The following EP300 variants were observed in gnomAD, a reference collection of about 807,000 sequenced individuals.
EP300 encodes the protein histone acetyltransferase p300.
Under a neutral mutation model 264.0 loss-of-function variants are expected in EP300, and 31 were observed. That is an observed-to-expected ratio of 0.12 (90% CI 0.09 to 0.16). The LOEUF is 0.16. Among genes scored for constraint, EP300 ranks in the 10% least tolerant of loss-of-function variants. The pLI, the probability that EP300 is intolerant of heterozygous loss-of-function variation, is 1.00. For missense variants in EP300, 2,766 were observed against 3,052.9 expected (o/e 0.91, Z 2.21); for synonymous variants, 1,340 against 1,045.4 (o/e 1.28, Z -5.44).
intron 1 of EP300, among the ~76,000 whole-genome samples, chr22:41,111,614 C>T (rs997168445): frequency 3.3e-5 from 5 of 152,030 alleles, no homozygotes; most frequent in African/African-American, 1.2e-4. Flanking sequence ...ACTATCTGGG[C>T]TCACCACAAC....
chr22:41,129,758 A>G, intron 4 of EP300, 132 bp from the exon 5 acceptor site: 3 of 709,358 alleles, frequency 4.2e-6, no homozygotes, highest in Non-Finnish European at 7.4e-6. Flanking sequence ...AATAGGAGCT[A>G]CCTTATAGGG....
intron 21 of EP300, 100 bp downstream of exon 21, chr22:41,162,879 TG>T (rs2059115400): frequency 2.0e-6 from 2 of 1,021,662 alleles, no homozygotes; most frequent in Non-Finnish European, 3.1e-6. Flanking sequence ...CCTATATTCT[TG>T]GGCTAAATCT....
At chr22:41,137,904 A>C in intron 8 of EP300, 114 bp downstream of exon 8, 1 of 1,419,428 alleles carries the variant, frequency 7.0e-7, no homozygotes, top group East Asian at 2.4e-5. Flanking sequence ...TGTAGCATGG[A>C]GGTTGATGTT....
chr22:41,176,705 A>G lies in EP300; in HGVS notation c.5062-68A>G, dbSNP rs527388339. 32 of 1,613,226 alleles carry G rather than the reference A, an allele frequency of 2.0e-5. No homozygotes were observed. In the African/African-American group the frequency reaches 2.9e-4, roughly 15 times the overall value. On this transcript the variant is annotated intron_variant, in intron 30 of 30. Transcript: ENST00000263253. ...GAAAGGGGCTTTTCTAGCCCAAACAATATCTAAAATACTTTTGAATGACTT... is the reference window on the plus strand; with the variant it reads ...GAAAGGGGCTTTTCTAGCCCAAACAGTATCTAAAATACTTTTGAATGACTT...
chr22:41,094,706 T>G (rs903130174), intron 1 of EP300, among the ~76,000 whole-genome samples: 1 of 152,238 alleles, frequency 6.6e-6, no homozygotes, highest in East Asian at 1.9e-4. Context: ...TTTGTGGTGT[T>G]TCTTTCGTAT....
chr22:41,112,551 T>C (rs1202902972), intron 1 of EP300, among the ~76,000 whole-genome samples: 2 of 152,204 alleles, frequency 1.3e-5, no homozygotes, highest in Non-Finnish European at 2.9e-5. Context: ...AATGACAGTT[T>C]ATAGATGTTC....
chr22:41,133,020 G>C (rs1055773632), intron 6 of EP300, among the ~76,000 whole-genome samples: 2 of 152,140 alleles, frequency 1.3e-5, no homozygotes, highest in African/African-American at 4.8e-5. Context: ...TGAGTAGTTA[G>C]ACATCCAGCA....
In EP300 at chr22:41,160,675, C is replaced by A. The variant is rs143660871; in HGVS notation, c.3624C>A (p.Ile1208=). 2.7e-4 allele frequency: 432 copies of A among 1,614,040 alleles called. 7 individuals are homozygous for A. The Admixed American group carries it at 6.8e-3, about 25-fold the overall frequency. ...TCTGTGAGAAGTGTTTCAATGAGATCCAAGGGGAGAGCGTTTCTTTGGGGG... is the reference window on the plus strand; with the variant it reads ...TCTGTGAGAAGTGTTTCAATGAGATACAAGGGGAGAGCGTTTCTTTGGGGG... ...YHFCEKCFNE[I]QGESVSLGDD... is the part of the protein sequence containing the mutation. The change falls in exon 20 of 31, where the codon ATC becomes ATA. Residue 1208 remains isoleucine (I), a synonymous_variant. Coordinates refer to ENST00000263253, the MANE Select transcript of EP300 (RefSeq NM_001429.4).
chr22:41,141,232 T>C lies in EP300; in HGVS notation c.2053+10T>C, dbSNP rs902605605. The C allele has an allele frequency of 6.2e-7, 1 of 1,612,066 alleles. No individual in the cohort carries two copies. Among genetic ancestry groups the C allele is most frequent in the Non-Finnish European group, 8.5e-7 (1 of 1,178,192 alleles). On this transcript the variant is annotated intron_variant, in intron 10 of 30. Transcript: ENST00000263253. The stretch of plus-strand genomic sequence containing the variant: ...CCAGGAATGACTTCTAGTAAGTGGT[T>C]TTTGTTATATTTCTGTTTGAGAGAA...
intron 2 of EP300, among the ~76,000 whole-genome samples, chr22:41,122,849 A>G (rs188026636): frequency 2.6e-4 from 40 of 151,932 alleles, no homozygotes; most frequent in Non-Finnish European, 4.9e-4. Flanking sequence ...AGTTCAGTCA[A>G]CTCCTGGGCA....
At chr22:41,100,672 T>C (rs1021528645) in intron 1 of EP300, among the ~76,000 whole-genome samples, 1 of 152,158 alleles carries the variant, frequency 6.6e-6, no homozygotes, top group African/African-American at 2.4e-5. Context: ...GCATTAGGTA[T>C]TGTAAATAAT....
intron 2 of EP300, among the ~76,000 whole-genome samples, chr22:41,121,524 G>A (rs1430928455): frequency 6.6e-6 from 1 of 152,072 alleles, no homozygotes; most frequent in African/African-American, 2.4e-5. Context: ...TGGTCACAGT[G>A]ACCAAAAGTG....
intron 3 of EP300, among the ~76,000 whole-genome samples, chr22:41,126,573 T>C (rs2058883725): frequency 6.6e-6 from 1 of 152,088 alleles, no homozygotes; most frequent in South Asian, 2.1e-4. Context: ...CATTCAACTT[T>C]GGAAAAACAT....
chr22:41,149,464 C>G (rs975392522), intron 13 of EP300, among the ~76,000 whole-genome samples: 2 of 152,112 alleles, frequency 1.3e-5, no homozygotes, highest in Non-Finnish European at 2.9e-5. Flanking sequence ...AGAAGGAAAT[C>G]TGGCTGAAAA....
chr22:41,142,245 A>G (rs565756072), intron 10 of EP300, among the ~76,000 whole-genome samples: 19 of 152,340 alleles, frequency 1.2e-4, no homozygotes, highest in African/African-American at 4.3e-4. Context: ...AGAAGTGCCA[A>G]CTGAGCCAGC....
At chr22:41,136,475 T>G (rs114028794) in intron 7 of EP300, among the ~76,000 whole-genome samples, 2,708 of 152,216 alleles carry the variant, frequency 0.018, 75 homozygotes, top group African/African-American at 0.063. Flanking sequence ...CTGGGCAATA[T>G]GTCAAGACGT....
rs754018515 is a variant in EP300 at position 41,179,898 on chromosome 22, A to T, written c.*942A>T. ...CCCCCACTCACACACACACACACAC[A>T]CACACACACACACACACACACACAC... On this transcript the variant is annotated 3_prime_UTR_variant, in exon 31 of 31. Coordinates refer to ENST00000263253, the MANE Select transcript of EP300 (RefSeq NM_001429.4). The T allele has an allele frequency of 3.7e-5, 7 of 191,022 alleles. No homozygotes were observed. Among genetic ancestry groups the T allele is most frequent in the Non-Finnish European group, 7.4e-5 (7 of 94,472 alleles). The allele number at this position is 191,022 out of a possible 1,614,324, so 11.8% of individuals were successfully genotyped here.
At chr22:41,146,439 TTA>T in intron 10 of EP300, 1 of 374,018 alleles carries the variant, frequency 2.7e-6, no homozygotes, top group Non-Finnish European at 5.0e-6. Context: ...AGTGCCAGGA[TTA>T]CAGGCGTGAG....
rs1230932397 is a variant in EP300, at chr22:41,106,601, C to T, written c.95-10586C>T. ...TGGGTTAGATGAAAGAAAAGTTTGA[C>T]GTGTCCACTCTTTAAAAACATTAAG... On this transcript the variant is annotated intron_variant, in intron 1 of 30. Coordinates refer to ENST00000263253, the MANE Select transcript of EP300 (RefSeq NM_001429.4). 2.6e-5 allele frequency among the ~76,000 whole-genome samples: 4 copies of T among 152,118 alleles called. No homozygotes were observed. The East Asian group carries it at 7.7e-4, about 29-fold the overall frequency.
Sources: gnomAD v4.1 joint callset for allele counts (sites outside exome capture counted in the v4.1 genomes callset) on GRCh38, gnomAD v4.1.1 for gene constraint, MANE v1.5 for transcripts, NCBI Gene and HGNC (gene_info 2026-07-23, HGNC 2026-07-21) for gene names.